KCNN2: variants seen among roughly 807,000 people sequenced by gnomAD.
The protein encoded by KCNN2 is small conductance calcium-activated potassium channel protein 2.
In KCNN2, 24 loss-of-function variants were observed where a neutral mutation model predicts 55.5. That is an observed-to-expected ratio of 0.43 (90% CI 0.31 to 0.61). The LOEUF (loss-of-function observed/expected upper bound fraction) is 0.61. Ranked by LOEUF, KCNN2 falls within the 20% of genes least tolerant of loss-of-function variation. The probability of loss-of-function intolerance (pLI) is 0.08; values close to 1 mark genes in which losing one functional copy is unlikely to be tolerated. For synonymous variants in KCNN2, 431 were observed against 336.1 expected (o/e 1.28, Z -3.09); for missense variants, 754 against 853.6 (o/e 0.88, Z 1.45).
chr5:114,387,544 A>T (rs1758322421), intron 2 of KCNN2, among the ~76,000 whole-genome samples: 1 of 151,840 alleles, frequency 6.6e-6, no homozygotes, highest in Non-Finnish European at 1.5e-5. Context: ...AAAAAAAAAT[A>T]TTCCCTGTGG....
At chr5:114,194,441 G>A (rs114947261) in intron 1 of KCNN2, among the ~76,000 whole-genome samples, 146 of 152,108 alleles carry the variant, frequency 9.6e-4, no homozygotes, top group Non-Finnish European at 1.8e-3. Context: ...GCATTTCTCT[G>A]ATGGCTAATG....
In KCNN2 at chr5:114,212,545, T is replaced by C. The variant is rs1023886814; in HGVS notation, c.-270-8935T>C. On this transcript the variant is annotated intron_variant, in intron 1 of 10. Transcript: ENST00000512097. ...AATGAATTATATATCAATAAAGCTG[T>C]TATAAAAAGTTTTTAATAAAAAGAA... Among the ~76,000 whole-genome samples, 11 of 152,180 alleles carry C rather than the reference T, an allele frequency of 7.2e-5. No homozygotes were observed. The South Asian group carries it at 8.3e-4, about 11-fold the overall frequency.
chr5:114,264,076 A>G (rs1447309820), intron 2 of KCNN2, among the ~76,000 whole-genome samples: 1 of 152,180 alleles, frequency 6.6e-6, no homozygotes, highest in African/African-American at 2.4e-5. Flanking sequence ...CATACTTCCA[A>G]TTAGGTGATT....
chr5:114,137,274 A>T (rs1023667992), intron 1 of KCNN2, among the ~76,000 whole-genome samples: 2 of 152,178 alleles, frequency 1.3e-5, no homozygotes, highest in African/African-American at 2.4e-5. Flanking sequence ...AAAAAATAAT[A>T]GTCAACCCAT....
intron 2 of KCNN2, among the ~76,000 whole-genome samples, chr5:114,370,798 T>C (rs1757740449): frequency 6.6e-6 from 1 of 151,934 alleles, no homozygotes; most frequent in Non-Finnish European, 1.5e-5. Flanking sequence ...TTGAGACCAT[T>C]GTAAGGATTT....
chr5:114,149,426 G>A (rs1277415691), intron 1 of KCNN2, among the ~76,000 whole-genome samples: 2 of 152,170 alleles, frequency 1.3e-5, no homozygotes, highest in South Asian at 2.1e-4. Context: ...TCGACAGGTC[G>A]AGAAATAATA....
intron 2 of KCNN2, among the ~76,000 whole-genome samples, chr5:114,349,921 C>T (rs1757177287): frequency 6.6e-6 from 1 of 151,908 alleles, no homozygotes; most frequent in South Asian, 2.1e-4. Flanking sequence ...TTGCTATTAT[C>T]TGTCTTTTTA....
upstream of KCNN2, among the ~76,000 whole-genome samples, chr5:114,357,827 G>A (rs1229866835): frequency 6.6e-6 from 1 of 151,876 alleles, no homozygotes; most frequent in African/African-American, 2.4e-5. Flanking sequence ...TAATGGGGTG[G>A]CTGGGTCAAA....
At chr5:114,379,723 T>C (rs1423898059) in intron 2 of KCNN2, among the ~76,000 whole-genome samples, 6 of 126,478 alleles carry the variant, frequency 4.7e-5, no homozygotes, top group Non-Finnish European at 7.8e-5. Context: ...TAACATATTA[T>C]ATATTTATAG....
rs529816268 is a variant in KCNN2 at position 114,089,195 on chromosome 5, C to G, written c.-271+32695C>G. On this transcript the variant is annotated intron_variant, in intron 1 of 10. Coordinates refer to the KCNN2 transcript ENST00000512097. Reference sequence around the variant, plus strand: ...CTACCAAGTGTTTGGATTTTGTTGTCTTCCTTTAAAAATAGTTGAATTTTG... The same window carrying G: ...CTACCAAGTGTTTGGATTTTGTTGTGTTCCTTTAAAAATAGTTGAATTTTG... 6.5e-4 allele frequency among the ~76,000 whole-genome samples: 99 copies of G among 152,224 alleles called. 2 individuals are homozygous for G. In the Middle Eastern group the frequency reaches 0.024, roughly 37 times the overall value.
At chr5:114,204,701 A>T (rs1036427763) in intron 1 of KCNN2, among the ~76,000 whole-genome samples, 9 of 152,210 alleles carry the variant, frequency 5.9e-5, no homozygotes, top group African/African-American at 2.2e-4. Flanking sequence ...GTGTCACATT[A>T]TGGTGACACC....
intron 1 of KCNN2, among the ~76,000 whole-genome samples, chr5:114,060,117 A>G (rs13164701): frequency 2.0e-5 from 3 of 152,246 alleles, no homozygotes; most frequent in Admixed American, 1.3e-4. Flanking sequence ...AGGCATTCCC[A>G]TACCAGATAT....
chr5:114,160,959 A>G (rs1286036079), intron 1 of KCNN2, among the ~76,000 whole-genome samples: 3 of 151,976 alleles, frequency 2.0e-5, no homozygotes, highest in African/African-American at 4.8e-5. Flanking sequence ...TCTTTATCCA[A>G]TTTGCCAGTC....
chr5:114,220,284 C>T (rs1419507956), intron 1 of KCNN2, among the ~76,000 whole-genome samples: 2 of 152,038 alleles, frequency 1.3e-5, no homozygotes, highest in Non-Finnish European at 2.9e-5. Flanking sequence ...ACACCTCCTT[C>T]AACACTTTCA....
chr5:114,478,972 A>G (rs1436526154), intron 5 of KCNN2, among the ~76,000 whole-genome samples: 2 of 152,212 alleles, frequency 1.3e-5, no homozygotes, highest in Non-Finnish European at 2.9e-5. Context: ...CACTGACACT[A>G]TGAAGCAACC....
chr5:114,159,747 G>A (rs1467650829), intron 1 of KCNN2, among the ~76,000 whole-genome samples: 5 of 152,028 alleles, frequency 3.3e-5, no homozygotes, highest in African/African-American at 4.8e-5. Context: ...TGTATGTGTC[G>A]AGGAATTTAT....
intron 4 of KCNN2, among the ~76,000 whole-genome samples, chr5:114,465,410 C>T (rs1200074387): frequency 2.6e-5 from 4 of 152,140 alleles, no homozygotes; most frequent in African/African-American, 9.6e-5. Flanking sequence ...GTTGGGAGTT[C>T]GAGACCAACC....
chr5:114,396,058 C>T (rs138035222), intron 2 of KCNN2, among the ~76,000 whole-genome samples: 2 of 152,282 alleles, frequency 1.3e-5, no homozygotes, highest in East Asian at 3.9e-4. Context: ...TCTTACATTC[C>T]TTGCCTCCCT....
At chr5:114,395,420 C>T (rs763974798) in intron 2 of KCNN2, among the ~76,000 whole-genome samples, 1 of 152,130 alleles carries the variant, frequency 6.6e-6, no homozygotes. Flanking sequence ...TTAACCATCA[C>T]CCTAGAATTA....
Sources: gnomAD v4.1 joint callset for allele counts (sites outside exome capture counted in the v4.1 genomes callset) on GRCh38, gnomAD v4.1.1 for gene constraint, MANE v1.5 for transcripts, NCBI Gene and HGNC (gene_info 2026-07-23, HGNC 2026-07-21) for gene names.